Variants in C8orf34 observed in about 807,000 individuals in gnomAD.
C8orf34 encodes the protein chromosome 8 open reading frame 34.
C8orf34 carries 65 observed loss-of-function variants against 68.3 expected under a neutral mutation model. That is an observed-to-expected ratio of 0.95 (90% CI 0.78 to 1.17). The LOEUF (loss-of-function observed/expected upper bound fraction) is 1.17, where lower values mean the gene tolerates loss of function less well. Ranked by LOEUF, C8orf34 falls within the 50% of genes most tolerant of loss-of-function variation. The pLI is 0.00. For missense variants in C8orf34, 664 were observed against 655.4 expected, an observed-to-expected ratio of 1.01 and a Z score of -0.14; for synonymous variants, 244 against 241.2, an observed-to-expected ratio of 1.01 and a Z score of -0.11.
chr8:68,682,139 T>C (rs575287762), intron 8 of C8orf34, among the ~76,000 whole-genome samples: 1 of 152,260 alleles, frequency 6.6e-6, no homozygotes, highest in East Asian at 1.9e-4. Context: ...TAGTCTGTAG[T>C]ACTGTAGTAC....
chr8:68,380,906 C>CCCT (rs1485605325), intron 1 of C8orf34, among the ~76,000 whole-genome samples: 3 of 152,044 alleles, frequency 2.0e-5, no homozygotes, highest in African/African-American at 7.2e-5. Context: ...TTCCATTATG[C>CCCT]CCTGAGGCTT....
chr8:68,707,053 A>G (rs1328643401), intron 8 of C8orf34, among the ~76,000 whole-genome samples: 1 of 151,798 alleles, frequency 6.6e-6, no homozygotes, highest in South Asian at 2.1e-4. Context: ...TAGGAGTAAA[A>G]CTCTTATGGT....
chr8:68,362,826 A>C (rs2129619438), intron 1 of C8orf34, among the ~76,000 whole-genome samples: 2 of 147,340 alleles, frequency 1.4e-5, no homozygotes, highest in East Asian at 2.0e-4. Flanking sequence ...AAGCTCTAAA[A>C]ATCAGAGCGC....
chr8:68,736,087 G>T (rs1822113810), intron 10 of C8orf34, among the ~76,000 whole-genome samples: 1 of 152,098 alleles, frequency 6.6e-6, no homozygotes, highest in East Asian at 1.9e-4. Context: ...GGAAAGCAAA[G>T]AAAATAAATC....
upstream of C8orf34, chr8:68,330,860 G>T: frequency 3.3e-6 from 2 of 605,522 alleles, no homozygotes; most frequent in South Asian, 2.7e-5. Flanking sequence ...GCCCCTGTCC[G>T]CCCGCGTGCG....
chr8:68,404,174 C>A (rs1025166251), intron 1 of C8orf34, among the ~76,000 whole-genome samples: 3 of 152,148 alleles, frequency 2.0e-5, no homozygotes, highest in Admixed American at 6.5e-5. Flanking sequence ...TAAATGTCTT[C>A]TTTTGAGAAG....
chr8:68,380,695 A>G (rs1807993940), intron 1 of C8orf34, among the ~76,000 whole-genome samples: 1 of 152,246 alleles, frequency 6.6e-6, no homozygotes, highest in Non-Finnish European at 1.5e-5. Context: ...CAATTGTACA[A>G]CTTGGTAGAC....
chr8:68,817,325 G>A (rs894012495), intron 13 of C8orf34, among the ~76,000 whole-genome samples: 4 of 152,096 alleles, frequency 2.6e-5, no homozygotes, highest in Admixed American at 6.6e-5. Context: ...AAGGCCTAAA[G>A]GAATGTAATA....
intron 3 of C8orf34, among the ~76,000 whole-genome samples, chr8:68,460,072 G>A (rs1365410613): frequency 3.9e-5 from 6 of 152,126 alleles, no homozygotes; most frequent in Non-Finnish European, 7.3e-5. Context: ...CTGGAAAATC[G>A]GGTCACTCCC....
At chr8:68,815,585 T>C (rs1255532243) in intron 12 of C8orf34, among the ~76,000 whole-genome samples, 1 of 152,150 alleles carries the variant, frequency 6.6e-6, no homozygotes, top group Admixed American at 6.6e-5. Context: ...GCAATTCATA[T>C]GGGATCTTCA....
intron 8 of C8orf34, among the ~76,000 whole-genome samples, chr8:68,678,587 A>C (rs1260948666): frequency 6.6e-6 from 1 of 152,142 alleles, no homozygotes; most frequent in African/African-American, 2.4e-5. Flanking sequence ...TAGAAAGAAC[A>C]TACCTCAACT....
intron 5 of C8orf34, among the ~76,000 whole-genome samples, chr8:68,501,264 C>G (rs374469359): frequency 2.4e-4 from 36 of 152,290 alleles, no homozygotes; most frequent in African/African-American, 7.7e-4. Flanking sequence ...CAGCCAACAA[C>G]CATCTCACCA....
intron 1 of C8orf34, among the ~76,000 whole-genome samples, chr8:68,387,729 A>G (rs1471572349): frequency 6.6e-6 from 1 of 152,216 alleles, no homozygotes; most frequent in East Asian, 1.9e-4. Context: ...AGCCAAAAGT[A>G]GTCAAAATAG....
At chr8:68,362,608 T>C in intron 1 of C8orf34, among the ~76,000 whole-genome samples, 1 of 152,150 alleles carries the variant, frequency 6.6e-6, no homozygotes, top group East Asian at 1.9e-4. Flanking sequence ...GCAGCCTAAC[T>C]GGGAGGCACC....
intron 7 of C8orf34, among the ~76,000 whole-genome samples, chr8:68,617,852 T>A (rs1275729771): frequency 6.6e-6 from 1 of 152,220 alleles, no homozygotes; most frequent in Non-Finnish European, 1.5e-5. Flanking sequence ...ATTGGGGAAG[T>A]TCTCCTGGAT....
At chr8:68,409,969 T>C (rs1809374416) in intron 1 of C8orf34, among the ~76,000 whole-genome samples, 1 of 152,204 alleles carries the variant, frequency 6.6e-6, no homozygotes, top group Non-Finnish European at 1.5e-5. Context: ...CTAGCAGCAG[T>C]AGGCCATGCC....
At chr8:68,535,593 T>G in intron 7 of C8orf34, 1 of 713,820 alleles carries the variant, frequency 1.4e-6, no homozygotes, top group Non-Finnish European at 1.7e-6. Context: ...GAAACTAGCA[T>G]TGTTAATATA....
intron 5 of C8orf34, among the ~76,000 whole-genome samples, chr8:68,514,655 G>A (rs1321570513): frequency 3.3e-5 from 5 of 152,194 alleles, no homozygotes; most frequent in Admixed American, 6.5e-5. Flanking sequence ...AGGAGAAATA[G>A]CAGTGCAAAA....
At position 68,794,229 on chromosome 8, in the gene C8orf34, G is replaced by A. The variant is rs570155356; in HGVS notation, c.1549+6693G>A. Among the ~76,000 whole-genome samples, 47 of 150,930 alleles carry A rather than the reference G, an allele frequency of 3.1e-4. 1 individual carries two copies. The highest frequency in any genetic ancestry group is 5.8e-4 in the Non-Finnish European group (39 of 67,752). On this transcript the variant is annotated intron_variant, in intron 12 of 13. Transcript: ENST00000518698. The stretch of plus-strand genomic sequence containing the variant: ...CTCTGTCACCCAGACTGGAGTGCAG[G>A]GGGGCAATCACAGCTCACTGAAACC...
Sources: gnomAD v4.1 joint callset for allele counts (sites outside exome capture counted in the v4.1 genomes callset) on GRCh38, gnomAD v4.1.1 for gene constraint, MANE v1.5 for transcripts, NCBI Gene and HGNC (gene_info 2026-07-23, HGNC 2026-07-21) for gene names.